The following SPATA31C1 variants were observed in gnomAD, a reference collection of about 807,000 sequenced individuals.
SPATA31C1 encodes SPATA31 subfamily C member 1.
chr9:87,921,334 T>G (rs1270578546), exon 5 of SPATA31C1: 9 of 1,611,990 alleles, frequency 5.6e-6, no homozygotes, highest in South Asian at 1.1e-5. Context: ...CTGGATCTGA[T>G]GCAGCTTCAG....
chr9:87,923,312 A>T, exon 5 of SPATA31C1: 2 of 1,603,052 alleles, frequency 1.2e-6, no homozygotes, highest in South Asian at 2.2e-5. Context: ...ACAGAGACAG[A>T]CAAATCAGAG....
At chr9:87,916,436 A>T (rs1213042916) in intron 1 of SPATA31C1, among the ~76,000 whole-genome samples, 1 of 147,850 alleles carries the variant, frequency 6.8e-6, no homozygotes, top group African/African-American at 2.5e-5. Flanking sequence ...AGAGCCTGTT[A>T]ATAAAAAGAC....
rs769044592 is a variant in SPATA31C1 at position 87,920,619 on chromosome 9, C to G, written n.1009C>G. On this transcript the variant is annotated non_coding_transcript_exon_variant, in exon 5 of 5. Transcript: ENST00000420021. ...TCCACCTCCTCCGAAAGGCTTCACT[C>G]CTCCTCCCCTGCGGGACTCCACTCT... The G allele has an allele frequency of 1.7e-5, 28 of 1,613,686 alleles. No homozygotes were observed. In the South Asian group the frequency reaches 2.6e-4, roughly 15 times the overall value.
chr9:87,920,581 C>T, exon 5 of SPATA31C1: 3 of 1,613,758 alleles, frequency 1.9e-6, no homozygotes, highest in Non-Finnish European at 2.5e-6. Flanking sequence ...ACCCCTGATC[C>T]TCTGGCCTGC....
At chr9:87,921,720 T>C in exon 5 of SPATA31C1, 2 of 1,612,080 alleles carry the variant, frequency 1.2e-6, no homozygotes, top group African/African-American at 2.7e-5. Context: ...TGTGCGTCGA[T>C]CCTGGCTTGC....
chr9:87,919,164 C>G (rs1389087229), intron 2 of SPATA31C1, 91 bp from the exon 2 acceptor site: 3 of 1,566,568 alleles, frequency 1.9e-6, no homozygotes, highest in African/African-American at 2.7e-5. Context: ...GCAAGACAGA[C>G]AGAGCCATGC....
chr9:87,919,394 T>C (rs749602742), intron 3 of SPATA31C1, 46 bp downstream of exon 2: 2 of 1,597,424 alleles, frequency 1.3e-6, no homozygotes, highest in Non-Finnish European at 1.7e-6. Context: ...ATCTCATCTG[T>C]CCGGGAGGGA....
rs1283935390 is a variant in SPATA31C1 at position 87,916,167 on chromosome 9, A to G, written n.189+1457A>G. 4.0e-3 allele frequency among the ~76,000 whole-genome samples: 575 copies of G among 142,184 alleles called. 14 individuals are homozygous for G. Among genetic ancestry groups the G allele is most frequent in the African/African-American group, 0.014 (551 of 38,858 alleles). 93.3% of individuals were successfully genotyped at this position (142,184 alleles called of 152,430 possible). ...GCTGAAGCCATGCCAGAGTGATCAGATATCACCTGGGGATGGTAGACAATA... is the reference window on the plus strand; with the variant it reads ...GCTGAAGCCATGCCAGAGTGATCAGGTATCACCTGGGGATGGTAGACAATA... On this transcript the variant is annotated intron_variant and non_coding_transcript_variant, in intron 1 of 4. Transcript: ENST00000420021.
chr9:87,917,342 G>A (rs1469735366), intron 1 of SPATA31C1, among the ~76,000 whole-genome samples: 16 of 145,616 alleles, frequency 1.1e-4, no homozygotes, highest in African/African-American at 3.2e-4. Context: ...GCTGGAACCC[G>A]GGAGGCGGAG....
exon 5 of SPATA31C1, chr9:87,921,558 G>A (rs759182844): frequency 2.5e-6 from 4 of 1,612,016 alleles, no homozygotes; most frequent in South Asian, 2.2e-5. Flanking sequence ...GGCGACCTCT[G>A]AGGAGTCAGA....
intron 1 of SPATA31C1, among the ~76,000 whole-genome samples, chr9:87,915,732 T>G (rs1828701462): frequency 7.0e-6 from 1 of 143,608 alleles, no homozygotes; most frequent in African/African-American, 2.5e-5. Context: ...TTGGTTGTAC[T>G]TGTATGGAAC....
At position 87,915,641 on chromosome 9, in the gene SPATA31C1, G is replaced by T. The variant is rs1828700040; in HGVS notation, n.189+931G>T. Among the ~76,000 whole-genome samples the T allele has an allele frequency of 2.8e-5, 4 of 144,442 alleles. 1 individual carries two copies. Among genetic ancestry groups the T allele is most frequent in the African/African-American group, 2.5e-5 (1 of 39,778 alleles). 94.8% of individuals were successfully genotyped at this position (144,442 alleles called of 152,430 possible). ...AATAAAGACATGAGGTTAGATTGAG[G>T]TTATTGTTTTGTCTATGGTATCTAA... On this transcript the variant is annotated intron_variant and non_coding_transcript_variant, in intron 1 of 4. Transcript: ENST00000420021.
At position 87,919,982 on chromosome 9, in the gene SPATA31C1, G is replaced by C. The variant is rs1241619332; in HGVS notation, n.641+6G>C. 1.9e-6 allele frequency: 3 copies of C among 1,608,154 alleles called. No homozygotes were observed. Among genetic ancestry groups the C allele is most frequent in the Non-Finnish European group, 2.5e-6 (3 of 1,177,240 alleles). On this transcript the variant is annotated splice_donor_region_variant and intron_variant and non_coding_transcript_variant, in intron 4 of 4. Transcript: ENST00000420021. ...CTGCTTTCACAACTGCAGAGGTGAGGCACTTCCCCTTCCCTGCATCCTTCC... is the reference window on the plus strand; with the variant it reads ...CTGCTTTCACAACTGCAGAGGTGAGCCACTTCCCCTTCCCTGCATCCTTCC...
At chr9:87,923,315 A>C (rs777708123) in exon 5 of SPATA31C1, 1 of 1,602,692 alleles carries the variant, frequency 6.2e-7, no homozygotes, top group African/African-American at 1.3e-5. Context: ...GAGACAGACA[A>C]ATCAGAGATC....
chr9:87,915,409 TCTC>T (rs1409001594), intron 1 of SPATA31C1, among the ~76,000 whole-genome samples: 2 of 144,300 alleles, frequency 1.4e-5, no homozygotes, highest in Non-Finnish European at 3.1e-5. Flanking sequence ...TTCAAGCTAT[TCTC>T]CTGTCTTAGC....
In SPATA31C1 at chr9:87,921,060, T is replaced by G. The variant is rs747662538; in HGVS notation, n.1450T>G. 9 of 1,611,458 alleles carry G rather than the reference T, an allele frequency of 5.6e-6. No individual in the cohort carries two copies. In the East Asian group the frequency reaches 2.0e-4, roughly 36 times the overall value. On this transcript the variant is annotated non_coding_transcript_exon_variant, in exon 5 of 5. Transcript: ENST00000420021. ...CCCGATGAAGAACACTGGAGTAGCT[T>G]GCCCTGCGTCGCAGAATAAAGTGCA...
exon 5 of SPATA31C1, chr9:87,921,035 C>T (rs1455146994): frequency 6.2e-7 from 1 of 1,611,756 alleles, no homozygotes; most frequent in Non-Finnish European, 8.5e-7. Context: ...CTTTTCTATC[C>T]CCGATGAAGA....
Position 87,919,307 on chromosome 9 carries a change from G to C in SPATA31C1, n.539G>C, listed in dbSNP as rs371656542. 9.7e-6 allele frequency: 14 copies of C among 1,447,144 alleles called. No individual in the cohort carries two copies. In the African/African-American group the frequency reaches 2.7e-4, roughly 28 times the overall value. The allele number at this position is 1,447,144 out of a possible 1,614,324, so 89.6% of individuals were successfully genotyped here. ...GTCTCCCAGTGTCCAACAGGGCGGA[G>C]GGGGAGGCCCAGAGGCAGGATGAAA... On this transcript the variant is annotated non_coding_transcript_exon_variant, in exon 3 of 5. Transcript: ENST00000420021.
In SPATA31C1 at chr9:87,920,427, C is replaced by T. The variant is rs761140136; in HGVS notation, n.817C>T. On this transcript the variant is annotated non_coding_transcript_exon_variant, in exon 5 of 5. Transcript: ENST00000420021. ...TTCCCCGGATCCTCGAACCAAGCAT[C>T]CTCAGGATCTGGCCTCCACCCCACC... The T allele has an allele frequency of 9.3e-6, 15 of 1,613,858 alleles. No individual in the cohort carries two copies. In the South Asian group the frequency reaches 9.9e-5, roughly 11 times the overall value.
Sources: gnomAD v4.1 joint callset for allele counts (sites outside exome capture counted in the v4.1 genomes callset) on GRCh38, gnomAD v4.1.1 for gene constraint, MANE v1.5 for transcripts, NCBI Gene and HGNC (gene_info 2026-07-23, HGNC 2026-07-21) for gene names.